Variants in TRDN observed in about 807,000 individuals in gnomAD.
The protein encoded by TRDN is triadin in skeletal muscle.
In TRDN, 161 loss-of-function variants were observed where a neutral mutation model predicts 149.7. The observed-to-expected ratio is 1.08, with a 90% confidence interval of 0.95 to 1.23. TRDN has a LOEUF of 1.23. Ranked by LOEUF, TRDN falls within the 50% of genes most tolerant of loss-of-function variation. TRDN has a pLI of 0.00. For missense variants in TRDN, 896 were observed against 823.5 expected (o/e 1.09, Z -1.08); for synonymous variants, 294 against 250.5 (o/e 1.17, Z -1.64).
chr6:123,468,633 T>A (rs980317747), intron 9 of TRDN, among the ~76,000 whole-genome samples: 5 of 152,210 alleles, frequency 3.3e-5, no homozygotes, highest in Non-Finnish European at 7.4e-5. Flanking sequence ...ATGAGCTGAA[T>A]TATGATTGCA....
intron 2 of TRDN, among the ~76,000 whole-genome samples, chr6:123,551,829 A>G (rs576272433): frequency 6.0e-4 from 92 of 152,238 alleles, no homozygotes; most frequent in African/African-American, 2.0e-3. Context: ...TATGCTGTCA[A>G]ACAAAAAACA....
At chr6:123,489,557 C>T (rs1238960853) in intron 9 of TRDN, 1 of 152,074 alleles carries the variant, frequency 6.6e-6, no homozygotes, top group African/African-American at 2.4e-5. Context: ...GAACAAAACC[C>T]ATTATATCTT....
chr6:123,601,582 T>C (rs1227268653), intron 1 of TRDN, among the ~76,000 whole-genome samples: 2 of 152,078 alleles, frequency 1.3e-5, no homozygotes, highest in Non-Finnish European at 2.9e-5. Context: ...AGGAGTTCCC[T>C]CCTCTAAGCA....
chr6:123,382,546 T>C (rs1445450844), intron 14 of TRDN, among the ~76,000 whole-genome samples: 1 of 151,932 alleles, frequency 6.6e-6, no homozygotes, highest in Non-Finnish European at 1.5e-5. Context: ...TGAAGTTAAC[T>C]TGAAACTTTC....
intron 37 of TRDN, among the ~76,000 whole-genome samples, chr6:123,254,334 T>G (rs1776477949): frequency 6.6e-6 from 1 of 152,050 alleles, no homozygotes; most frequent in South Asian, 2.1e-4. Context: ...TGTCTAGATA[T>G]GTCTAGTCAT....
intron 20 of TRDN, among the ~76,000 whole-genome samples, chr6:123,355,140 T>C (rs147331093): frequency 6.6e-6 from 1 of 151,632 alleles, no homozygotes; most frequent in African/African-American, 2.4e-5. Flanking sequence ...TTGATTTGTA[T>C]GCATCTGTAA....
At chr6:123,359,517 T>C (rs1025237784) in intron 20 of TRDN, among the ~76,000 whole-genome samples, 4 of 152,022 alleles carry the variant, frequency 2.6e-5, no homozygotes, top group Non-Finnish European at 5.9e-5. Flanking sequence ...AATAAAAACA[T>C]GAGGGCAGCA....
At chr6:123,388,864 A>G (rs562264136) in intron 13 of TRDN, among the ~76,000 whole-genome samples, 1 of 152,282 alleles carries the variant, frequency 6.6e-6, no homozygotes, top group Non-Finnish European at 1.5e-5. Context: ...GGAAACCACA[A>G]TCTCTTCTAG....
intron 2 of TRDN, among the ~76,000 whole-genome samples, chr6:123,557,702 C>T (rs552485241): frequency 1.3e-5 from 2 of 152,066 alleles, no homozygotes; most frequent in Non-Finnish European, 2.9e-5. Context: ...CTGTCTTGGT[C>T]CTTCACCCTT....
At chr6:123,548,403 C>T (rs1781221116) in intron 3 of TRDN, 51 bp downstream of exon 3, 1 of 1,348,714 alleles carries the variant, frequency 7.4e-7, no homozygotes, top group Non-Finnish European at 9.6e-7. Context: ...CACTATAATA[C>T]ATATTTAATG....
At chr6:123,442,680 T>G (rs55654804) in intron 10 of TRDN, among the ~76,000 whole-genome samples, 18,510 of 152,164 alleles carry the variant, frequency 0.12, 1,620 homozygotes, top group South Asian at 0.27. Context: ...ATTACTATAT[T>G]TTACAAATAA....
At chr6:123,224,262 T>C in intron 38 of TRDN, 131 bp from the exon 39 acceptor site, 1 of 808,468 alleles carries the variant, frequency 1.2e-6, no homozygotes, top group Non-Finnish European at 2.0e-6. Context: ...ACAGTCTCCA[T>C]AAATAAGAGC....
At chr6:123,422,664 T>C (rs1773957282) in intron 12 of TRDN, among the ~76,000 whole-genome samples, 1 of 152,170 alleles carries the variant, frequency 6.6e-6, no homozygotes, top group Admixed American at 6.6e-5. Flanking sequence ...AAAAAATTAT[T>C]GAATGGAATC....
chr6:123,317,753 T>C (rs1170520861), intron 23 of TRDN, among the ~76,000 whole-genome samples: 1 of 151,984 alleles, frequency 6.6e-6, no homozygotes. Flanking sequence ...TACTCAAATA[T>C]CAGCACTGGG....
intron 24 of TRDN, among the ~76,000 whole-genome samples, chr6:123,280,426 C>G (rs1285871205): frequency 1.3e-5 from 2 of 152,078 alleles, no homozygotes; most frequent in African/African-American, 4.8e-5. Flanking sequence ...TTTTTCCATT[C>G]CACGTAAACT....
chr6:123,599,898 G>T (rs78396398), intron 1 of TRDN, among the ~76,000 whole-genome samples: 1 of 151,648 alleles, frequency 6.6e-6, no homozygotes, highest in African/African-American at 2.4e-5. Context: ...ATATGCCTCC[G>T]AGATGAGATA....
At chr6:123,604,729 G>A (rs960805512) in intron 1 of TRDN, among the ~76,000 whole-genome samples, 2 of 152,038 alleles carry the variant, frequency 1.3e-5, no homozygotes, top group African/African-American at 4.8e-5. Context: ...TTGATGATTA[G>A]AGAGTGTTTG....
At chr6:123,473,320 G>T (rs932524185) in intron 9 of TRDN, among the ~76,000 whole-genome samples, 1 of 152,074 alleles carries the variant, frequency 6.6e-6, no homozygotes, top group Non-Finnish European at 1.5e-5. Flanking sequence ...GAGCCGATGC[G>T]ATCAACTGGA....
At chr6:123,307,720 G>T (rs1217559344) in intron 24 of TRDN, among the ~76,000 whole-genome samples, 2 of 151,874 alleles carry the variant, frequency 1.3e-5, no homozygotes, top group African/African-American at 4.8e-5. Flanking sequence ...TCCTGAAAGT[G>T]TTTCCACTTT....
Sources: gnomAD v4.1 joint callset for allele counts (sites outside exome capture counted in the v4.1 genomes callset) on GRCh38, gnomAD v4.1.1 for gene constraint, MANE v1.5 for transcripts, NCBI Gene and HGNC (gene_info 2026-07-23, HGNC 2026-07-21) for gene names.